Variants in ELMO1 observed in about 807,000 individuals in gnomAD.
ELMO1 encodes engulfment and cell motility protein 1.
Under a neutral mutation model 98.9 loss-of-function variants are expected in ELMO1, and 26 were observed. That is an observed-to-expected ratio of 0.26 (90% CI 0.19 to 0.36). The LOEUF is 0.36. Among genes scored for constraint, ELMO1 ranks in the 10% least tolerant of loss-of-function variants. ELMO1 has a pLI of 1.00. For missense variants in ELMO1, 627 were observed against 935.2 expected, an observed-to-expected ratio of 0.67 and a Z score of 4.30; for synonymous variants, 346 against 346.0, an observed-to-expected ratio of 1.00 and a Z score of 0.00.
intron 2 of ELMO1, among the ~76,000 whole-genome samples, chr7:37,316,597 T>C (rs1353383894): frequency 1.3e-5 from 2 of 152,080 alleles, no homozygotes; most frequent in Non-Finnish European, 2.9e-5. Flanking sequence ...ACAGCCACAC[T>C]TGTGCTCCGC....
chr7:37,278,967 C>G (rs568849183), intron 4 of ELMO1, among the ~76,000 whole-genome samples: 1 of 151,974 alleles, frequency 6.6e-6, no homozygotes, highest in East Asian at 1.9e-4. Context: ...TTTGGGAGGC[C>G]CAGGCCGGTG....
chr7:36,999,323 C>A (rs17170821), intron 16 of ELMO1, among the ~76,000 whole-genome samples: 1,927 of 152,258 alleles, frequency 0.013, 43 homozygotes, highest in East Asian at 0.069. Flanking sequence ...CAAATTTTGC[C>A]ATTCAGACGT....
In ELMO1 at chr7:37,100,042, C is replaced by T. The variant is rs941630519; in HGVS notation, c.1192-3315G>A. Among the ~76,000 whole-genome samples the T allele has an allele frequency of 4.6e-5, 7 of 152,148 alleles. No homozygotes were observed. The South Asian group carries it at 1.2e-3, about 27-fold the overall frequency. Reference sequence around the variant, plus strand: ...AGAGACGGGGTTTCACCATGTTGGCCGAGCTGGGTCTCGAACTCCAGACCT... The same window carrying T: ...AGAGACGGGGTTTCACCATGTTGGCTGAGCTGGGTCTCGAACTCCAGACCT... On this transcript the variant is annotated intron_variant, in intron 14 of 21. Coordinates refer to ENST00000310758, the MANE Select transcript of ELMO1 (RefSeq NM_014800.11).
intron 15 of ELMO1, among the ~76,000 whole-genome samples, chr7:37,092,919 T>TTC (rs1353320991): frequency 1.3e-5 from 2 of 151,220 alleles, no homozygotes. Context: ...CTTTTTCTTT[T>TTC]TTTTTTTTTT....
intron 5 of ELMO1, among the ~76,000 whole-genome samples, chr7:37,262,342 A>T (rs1440529485): frequency 6.6e-6 from 1 of 152,182 alleles, no homozygotes; most frequent in Non-Finnish European, 1.5e-5. Flanking sequence ...CACATGTAAG[A>T]ATAGCAAAGC....
chr7:37,423,121 G>C (rs1284204426), intron 1 of ELMO1, among the ~76,000 whole-genome samples: 1 of 152,174 alleles, frequency 6.6e-6, no homozygotes, highest in Non-Finnish European at 1.5e-5. Context: ...CTGTGTTACA[G>C]GTTATCACCC....
chr7:37,201,900 G>A (rs1792319861), intron 13 of ELMO1, among the ~76,000 whole-genome samples: 1 of 152,228 alleles, frequency 6.6e-6, no homozygotes, highest in Non-Finnish European at 1.5e-5. Flanking sequence ...TGATCAAAGT[G>A]TCAAGGAGGC....
intron 1 of ELMO1, among the ~76,000 whole-genome samples, chr7:37,363,908 T>A (rs1801796951): frequency 6.6e-6 from 1 of 151,982 alleles, no homozygotes; most frequent in South Asian, 2.1e-4. Flanking sequence ...AGGGAAGAGT[T>A]CAGTAGAAAA....
intron 16 of ELMO1, among the ~76,000 whole-genome samples, chr7:36,934,331 G>C (rs946377892): frequency 6.6e-6 from 1 of 152,228 alleles, no homozygotes; most frequent in Non-Finnish European, 1.5e-5. Flanking sequence ...CTGGGAAAGT[G>C]AGGCAAGGGC....
At chr7:37,024,243 T>G (rs1794444758) in intron 15 of ELMO1, among the ~76,000 whole-genome samples, 1 of 152,184 alleles carries the variant, frequency 6.6e-6, no homozygotes, top group Non-Finnish European at 1.5e-5. Context: ...CTGTGTGACC[T>G]TGAGCTCATG....
At chr7:37,169,740 A>G (rs1439116413) in intron 13 of ELMO1, among the ~76,000 whole-genome samples, 1 of 152,226 alleles carries the variant, frequency 6.6e-6, no homozygotes, top group Admixed American at 6.5e-5. Flanking sequence ...TCACACATGA[A>G]TGTGAAAACC....
At chr7:37,064,362 A>G (rs1796835982) in intron 15 of ELMO1, among the ~76,000 whole-genome samples, 1 of 152,200 alleles carries the variant, frequency 6.6e-6, no homozygotes, top group Admixed American at 6.5e-5. Context: ...TGGGATCTGC[A>G]TATCCTCTGC....
chr7:37,398,314 T>G (rs1803381071), intron 1 of ELMO1, among the ~76,000 whole-genome samples: 2 of 152,292 alleles, frequency 1.3e-5, no homozygotes, highest in South Asian at 2.1e-4. Flanking sequence ...TCCCTTCCTA[T>G]CTTCAAAAAC....
chr7:37,184,531 T>C (rs767875573), intron 13 of ELMO1, among the ~76,000 whole-genome samples: 11 of 152,242 alleles, frequency 7.2e-5, no homozygotes, highest in South Asian at 2.1e-4. Context: ...AAAGCCATAC[T>C]TTCCAGAGGA....
intron 21 of ELMO1, among the ~76,000 whole-genome samples, chr7:36,856,121 A>G (rs993323718): frequency 1.3e-5 from 2 of 152,174 alleles, no homozygotes; most frequent in African/African-American, 4.8e-5. Context: ...TATGACTTTT[A>G]GGTACTGGTG....
intron 13 of ELMO1, among the ~76,000 whole-genome samples, chr7:37,162,291 G>A (rs958372166): frequency 7.9e-5 from 12 of 152,016 alleles, no homozygotes; most frequent in African/African-American, 2.7e-4. Context: ...GTGCTGGAGG[G>A]GCAAAGATGA....
intron 17 of ELMO1, among the ~76,000 whole-genome samples, chr7:36,890,070 G>A (rs1562800204): frequency 6.6e-6 from 1 of 152,172 alleles, no homozygotes; most frequent in Non-Finnish European, 1.5e-5. Flanking sequence ...GGTAAGCCAG[G>A]TAATAACCCC....
chr7:37,304,350 GGT>G (rs150089673), intron 4 of ELMO1, among the ~76,000 whole-genome samples: 9 of 151,732 alleles, frequency 5.9e-5, no homozygotes, highest in Non-Finnish European at 1.3e-4. Context: ...GGTGTGTGAG[GGT>G]GTGTGTGTGT....
intron 13 of ELMO1, among the ~76,000 whole-genome samples, chr7:37,191,268 C>T (rs1424402105): frequency 1.3e-5 from 2 of 149,732 alleles, no homozygotes; most frequent in African/African-American, 4.9e-5. Flanking sequence ...GTTTTATTTA[C>T]ATATATAGAA....
Sources: gnomAD v4.1 joint callset for allele counts (sites outside exome capture counted in the v4.1 genomes callset) on GRCh38, gnomAD v4.1.1 for gene constraint, MANE v1.5 for transcripts, NCBI Gene and HGNC (gene_info 2026-07-23, HGNC 2026-07-21) for gene names.